The following KIF23 variants were observed in gnomAD, a reference collection of about 807,000 sequenced individuals.
KIF23 encodes kinesin family member 23, also known as kinesin-like protein KIF23.
A neutral mutation model predicts 137.5 loss-of-function variants in KIF23; 30 were observed. The ratio of observed to expected loss-of-function variants is 0.22; its 90% CI spans 0.16 to 0.30. KIF23 has a LOEUF of 0.30. Among genes scored for constraint, KIF23 ranks in the 10% least tolerant of loss-of-function variants. KIF23 has a pLI of 1.00. For missense variants in KIF23, 920 were observed against 1,194.3 expected (o/e 0.77, Z 3.38); for synonymous variants, 367 against 391.1 (o/e 0.94, Z 0.73).
At chr15:69,428,941 CAT>C (rs2057283116) in intron 10 of KIF23, among the ~76,000 whole-genome samples, 168 bp from the exon 11 acceptor site, 1 of 152,138 alleles carries the variant, frequency 6.6e-6, no homozygotes, top group South Asian at 2.1e-4. Flanking sequence ...GTATATTTAT[CAT>C]ACTCTTCTAG....
Position 69,447,945 on chromosome 15 carries a change from C to T in KIF23, c.*138C>T, listed in dbSNP as rs763191007. 4 of 719,408 alleles carry T rather than the reference C, an allele frequency of 5.6e-6. No individual in the cohort carries two copies. The highest frequency in any genetic ancestry group is 9.2e-6 in the Non-Finnish European group (4 of 435,922). The allele number at this position is 719,408 out of a possible 1,614,324, so 44.6% of individuals were successfully genotyped here. A position where few individuals can be genotyped will look rare whatever the true frequency, so the allele number is the denominator to read the frequency against. ...TCACGGACCTCAGCTACATCATACA[C>T]TGACCCAGAGCAAAGCTTTCCCTAT... On this transcript the variant is annotated 3_prime_UTR_variant, in exon 24 of 24. Transcript: ENST00000679126.
chr15:69,441,185 AT>A, intron 19 of KIF23, 106 bp downstream of exon 19: 1 of 972,118 alleles, frequency 1.0e-6, no homozygotes, highest in Non-Finnish European at 1.5e-6. Context: ...GGGCTATAGT[AT>A]AAAGAAGGTC....
chr15:69,427,282 G>C (rs966060104), intron 10 of KIF23: 2 of 396,036 alleles, frequency 5.1e-6, no homozygotes, highest in South Asian at 1.9e-5. Context: ...ATCCATAGGA[G>C]ATCCTACAAC....
In KIF23 at chr15:69,422,440, GT is replaced by G. The variant is rs774048009; in HGVS notation, c.563+6del. ...TCCAAAGACTTCTTCTAGCAAGTAA[GT>G]AATTATATTTGTCTGCAGCACTGGC... On this transcript the variant is annotated splice_donor_region_variant and intron_variant, in intron 6 of 23. Coordinates refer to ENST00000679126, the MANE Select transcript of KIF23 (RefSeq NM_001367805.3). 10 of 1,527,350 alleles carry G rather than the reference GT, an allele frequency of 6.5e-6. No individual in the cohort carries two copies. The highest frequency in any genetic ancestry group is 9.1e-6 in the Non-Finnish European group (10 of 1,101,636). 94.6% of individuals were successfully genotyped at this position (1,527,350 alleles called of 1,614,324 possible). A position where few individuals can be genotyped will look rare whatever the true frequency, so the allele number is the denominator to read the frequency against.
chr15:69,443,369 T>C (rs1567080511), intron 19 of KIF23, among the ~76,000 whole-genome samples: 1 of 140,526 alleles, frequency 7.1e-6, no homozygotes, highest in Middle Eastern at 3.7e-3. Flanking sequence ...GATGAGGTCT[T>C]GATCTGTTGC....
intron 19 of KIF23, among the ~76,000 whole-genome samples, 172 bp downstream of exon 19, chr15:69,441,251 C>T (rs1330831206): frequency 6.6e-6 from 1 of 152,196 alleles, no homozygotes; most frequent in Admixed American, 6.6e-5. Flanking sequence ...CCTGGCTCCT[C>T]ATCTGAAAAA....
chr15:69,430,924 A>G (rs1465964477), intron 11 of KIF23, among the ~76,000 whole-genome samples: 3 of 152,184 alleles, frequency 2.0e-5, no homozygotes, highest in Non-Finnish European at 4.4e-5. Flanking sequence ...TTGGACTCTC[A>G]TAGCTTGTGT....
In KIF23 at chr15:69,438,250, A is replaced by G; in HGVS notation, c.1600A>G (p.Asn534Asp). Residue 534 changes from asparagine to aspartate, a missense_variant and splice_region_variant, in exon 16 of 24, where the codon AAT becomes GAT. Physicochemically the swap from Asn to Asp is conservative, Grantham distance 23. This residue lies in a region of KIF23 where 714 missense variants were observed against 866.2 expected (regional missense o/e 0.82). Transcript: ENST00000679126. Reference protein sequence around the residue: ...MMIDEFNKQSNAFKALLQEFD... With the variant: ...MMIDEFNKQSDAFKALLQEFD... ...TGACCTGTATGTTTTTGTTTCAGCTAATGCTTTTAAAGCTTTGTTACAAGA... is the reference window on the plus strand; with the variant it reads ...TGACCTGTATGTTTTTGTTTCAGCTGATGCTTTTAAAGCTTTGTTACAAGA... 6.3e-7 allele frequency: 1 copy of G among 1,598,122 alleles called. No individual in the cohort carries two copies. The highest frequency in any genetic ancestry group is 8.5e-7 in the Non-Finnish European group (1 of 1,175,776).
At chr15:69,421,907 T>C in intron 4 of KIF23, 85 bp from the exon 5 acceptor site, 1 of 1,520,892 alleles carries the variant, frequency 6.6e-7, no homozygotes, top group Non-Finnish European at 9.0e-7. Flanking sequence ...AGCTGGCTAA[T>C]TGTTAGTGTT....
rs1567077513 is a variant in KIF23, at chr15:69,440,604, A to G, written c.2109+117A>G. 5 of 1,184,584 alleles carry G rather than the reference A, an allele frequency of 4.2e-6. No homozygotes were observed. The Admixed American group carries it at 1.5e-4, about 36-fold the overall frequency. 73.4% of individuals were successfully genotyped at this position (1,184,584 alleles called of 1,614,324 possible). ...ATACTTACATTTCTGAAATTTCTCT[A>G]AAAATATTTTAAAATTTAGAATAAA... is the stretch of plus-strand genomic sequence containing the variant. On this transcript the variant is annotated intron_variant, in intron 18 of 23. Transcript: ENST00000679126.
chr15:69,418,511 G>A (rs2056974155), intron 3 of KIF23, among the ~76,000 whole-genome samples: 1 of 152,056 alleles, frequency 6.6e-6, no homozygotes, highest in African/African-American at 2.4e-5. Context: ...CCAGAAACCT[G>A]GTACCTACCT....
chr15:69,420,617 T>A (rs1175430959), intron 3 of KIF23, among the ~76,000 whole-genome samples: 1 of 152,244 alleles, frequency 6.6e-6, no homozygotes, highest in Non-Finnish European at 1.5e-5. Flanking sequence ...ATTTACAGTT[T>A]ACTTCTGGTT....
intron 16 of KIF23, among the ~76,000 whole-genome samples, chr15:69,439,703 T>A (rs991520896): frequency 6.6e-6 from 1 of 152,292 alleles, no homozygotes; most frequent in African/African-American, 2.4e-5. Flanking sequence ...GTAAATGTCT[T>A]TGGGTGAGGA....
chr15:69,443,064 T>C (rs1439219989), intron 19 of KIF23, among the ~76,000 whole-genome samples: 2 of 152,230 alleles, frequency 1.3e-5, no homozygotes, highest in African/African-American at 4.8e-5. Context: ...CCAGACTTTC[T>C]TTCGTGTTCA....
chr15:69,436,320 TA>T (rs1258397940), intron 14 of KIF23, 59 bp downstream of exon 14: 18 of 1,544,898 alleles, frequency 1.2e-5, no homozygotes, highest in South Asian at 3.7e-5. Context: ...CTCTCTTTTT[TA>T]AAAAAAATTA....
chr15:69,423,198 A>G lies in KIF23; in HGVS notation c.603A>G (p.Val201=), dbSNP rs753238547. ...CAGAGTTTGCAGATATGATAACTGT[A>G]CAAGAATTCTGCAAAGCAGAAGAGG... The part of the protein sequence containing the change: ...VDPEFADMIT[V]QEFCKAEEVD... The change falls in exon 7 of 24, where the codon GTA becomes GTG. Residue 201 remains valine, a synonymous_variant. Transcript: ENST00000679126. 4 of 1,604,318 alleles carry G rather than the reference A, an allele frequency of 2.5e-6. No homozygotes were observed. Among genetic ancestry groups the G allele is most frequent in the South Asian group, 1.1e-5 (1 of 89,846 alleles).
intron 15 of KIF23, 71 bp downstream of exon 15, chr15:69,436,793 A>C: frequency 2.9e-6 from 3 of 1,022,148 alleles, no homozygotes; most frequent in South Asian, 2.4e-5. Context: ...TTCACTCTGT[A>C]CCCCAGGGTG....
At position 69,423,326 on chromosome 15, in the gene KIF23, C is replaced by T. The variant is rs1441161270; in HGVS notation, c.731C>T (p.Pro244Leu). 2 of 1,552,340 alleles carry T rather than the reference C, an allele frequency of 1.3e-6. No individual in the cohort carries two copies. The highest frequency in any genetic ancestry group is 2.1e-5 in the Admixed American group (1 of 47,896). Residue 244 changes from proline (P) to leucine (L), a missense_variant, in exon 7 of 24, where the codon CCC becomes CTC. By Grantham distance (98) the Pro-to-Leu change is moderately conservative. Around this residue, in one of 4 missense-constraint regions of KIF23, gnomAD observed 714 missense variants for 866.2 expected, o/e 0.82. Coordinates refer to ENST00000679126, the MANE Select transcript of KIF23 (RefSeq NM_001367805.3). ...LEEVPFDPIK[P>L]KWNSCSTPMR... ...GAGGTGCCGTTTGATCCCATAAAAC[C>T]CAAGTAAGTAATAAAGAGAGCCCCT... is the stretch of plus-strand genomic sequence containing the variant.
At chr15:69,430,298 A>G (rs2057324721) in intron 11 of KIF23, among the ~76,000 whole-genome samples, 1 of 152,176 alleles carries the variant, frequency 6.6e-6, no homozygotes, top group African/African-American at 2.4e-5. Flanking sequence ...ATTTTGATAG[A>G]TGTATGCAGT....
Sources: allele counts gnomAD v4.1 joint callset (sites outside exome capture counted in the v4.1 genomes callset), GRCh38; gene constraint gnomAD v4.1.1; regional missense constraint gnomAD v4.1.1; transcripts MANE v1.5; gene names NCBI Gene and HGNC (gene_info 2026-07-23, HGNC 2026-07-21).